Variants in PRKN observed in about 807,000 individuals in gnomAD.
PRKN encodes the protein E3 ubiquitin-protein ligase parkin.
A neutral mutation model predicts 59.5 loss-of-function variants in PRKN; 56 were observed. That is an observed-to-expected ratio of 0.94 (90% CI 0.76 to 1.18). PRKN has a LOEUF of 1.18. Among genes scored for constraint, PRKN ranks in the 50% most tolerant of loss-of-function variants. The probability of loss-of-function intolerance (pLI) is 0.00; values close to 1 mark genes in which losing one functional copy is unlikely to be tolerated. For missense variants in PRKN, 657 were observed against 596.4 expected, an observed-to-expected ratio of 1.10 and a Z score of -1.06; for synonymous variants, 250 against 222.1, an observed-to-expected ratio of 1.13 and a Z score of -1.12.
At chr6:162,341,806 G>A (rs905361936) in intron 2 of PRKN, among the ~76,000 whole-genome samples, 1 of 151,782 alleles carries the variant, frequency 6.6e-6, no homozygotes, top group African/African-American at 2.4e-5. Context: ...ACCTAATGTA[G>A]ATGATGGATT....
intron 7 of PRKN, among the ~76,000 whole-genome samples, chr6:161,603,497 T>A (rs1782175997): frequency 6.6e-6 from 1 of 152,246 alleles, no homozygotes. Context: ...GCTAGATTCA[T>A]AAATCACTGT....
At chr6:162,176,152 T>C (rs1006281385) in intron 4 of PRKN, among the ~76,000 whole-genome samples, 3 of 152,116 alleles carry the variant, frequency 2.0e-5, no homozygotes, top group Non-Finnish European at 4.4e-5. Flanking sequence ...CCTATAAAAG[T>C]ATCAGCAGAG....
chr6:161,409,271 T>G lies in PRKN; in HGVS notation c.1084-22394A>C, dbSNP rs1787416966. Among the ~76,000 whole-genome samples the G allele has an allele frequency of 6.6e-6, 1 of 152,198 alleles. No individual in the cohort carries two copies. The highest frequency in any genetic ancestry group is 2.1e-4 in the South Asian group (1 of 4,830). ...GAGAACACATTTTTAAACTCTGTGGTAATGGTTGAGAATACTCTTCATTAC... is the reference window on the plus strand; with the variant it reads ...GAGAACACATTTTTAAACTCTGTGGGAATGGTTGAGAATACTCTTCATTAC... On this transcript the variant is annotated intron_variant, in intron 9 of 11. Coordinates refer to ENST00000366898, the MANE Select transcript of PRKN (RefSeq NM_004562.3). This position sits in a 1 kb window ranked among gnomAD's most constrained non-coding sequence, Gnocchi z 4.6.
intron 2 of PRKN, among the ~76,000 whole-genome samples, chr6:162,409,244 A>G (rs752525968): frequency 6.6e-6 from 1 of 151,696 alleles, no homozygotes; most frequent in South Asian, 2.1e-4. Context: ...AACTCATGAC[A>G]GCCTCAAACT....
chr6:162,322,657 G>T (rs1473327849), intron 2 of PRKN, among the ~76,000 whole-genome samples: 2 of 152,052 alleles, frequency 1.3e-5, no homozygotes, highest in African/African-American at 4.8e-5. Context: ...TTTTGACCAA[G>T]TATCAAAGGC....
intron 3 of PRKN, among the ~76,000 whole-genome samples, chr6:162,207,771 A>G (rs1465480707): frequency 1.3e-5 from 2 of 152,146 alleles, no homozygotes. Context: ...TGTGTGTAAC[A>G]CTTCACTCTA....
intron 7 of PRKN, among the ~76,000 whole-genome samples, chr6:161,659,506 A>C (rs1784468480): frequency 6.6e-6 from 1 of 152,136 alleles, no homozygotes; most frequent in Admixed American, 6.5e-5. Flanking sequence ...TTCACTGCTG[A>C]GGATACAGAG....
intron 5 of PRKN, among the ~76,000 whole-genome samples, chr6:162,012,868 G>A (rs1318010604): frequency 3.9e-5 from 6 of 152,132 alleles, no homozygotes; most frequent in Non-Finnish European, 8.8e-5. Context: ...GGAGACACAT[G>A]CTATCGTTTG....
intron 1 of PRKN, among the ~76,000 whole-genome samples, chr6:162,681,867 G>T (rs1393965251): frequency 6.6e-6 from 1 of 152,046 alleles, no homozygotes; most frequent in Non-Finnish European, 1.5e-5. Flanking sequence ...ACCCTGTGGA[G>T]TGTAATTTTG....
intron 1 of PRKN, among the ~76,000 whole-genome samples, chr6:162,469,466 C>G: frequency 6.6e-6 from 1 of 150,840 alleles, no homozygotes; most frequent in South Asian, 2.1e-4. Context: ...GCCCATCAAT[C>G]AATGAGTGGA....
chr6:161,663,256 G>A (rs537205784), intron 7 of PRKN, among the ~76,000 whole-genome samples: 20 of 151,968 alleles, frequency 1.3e-4, no homozygotes, highest in South Asian at 4.2e-4. Context: ...TACATGTGGC[G>A]GTGGCAAGTG....
chr6:162,431,304 A>G (rs573477725), intron 2 of PRKN, among the ~76,000 whole-genome samples: 12 of 152,342 alleles, frequency 7.9e-5, no homozygotes, highest in East Asian at 3.9e-4. Flanking sequence ...CAACAGATAC[A>G]TATCATCAAT....
At chr6:162,310,635 A>T (rs1395150205) in intron 2 of PRKN, among the ~76,000 whole-genome samples, 1 of 151,970 alleles carries the variant, frequency 6.6e-6, no homozygotes, top group East Asian at 1.9e-4. Flanking sequence ...TAGGAGATAT[A>T]CCTAATGTAA....
intron 7 of PRKN, among the ~76,000 whole-genome samples, chr6:161,701,771 T>G (rs1786261281): frequency 6.6e-6 from 1 of 152,186 alleles, no homozygotes; most frequent in African/African-American, 2.4e-5. Flanking sequence ...AAATTAGTAT[T>G]TCAAGAGACA....
intron 1 of PRKN, among the ~76,000 whole-genome samples, chr6:162,559,816 A>G (rs56331301): frequency 0.057 from 8,653 of 151,228 alleles, 301 homozygotes; most frequent in South Asian, 0.16. Context: ...TATTTTGTTG[A>G]TGGAGATAGA....
At chr6:162,336,365 A>G (rs1282120919) in intron 2 of PRKN, among the ~76,000 whole-genome samples, 1 of 152,140 alleles carries the variant, frequency 6.6e-6, no homozygotes, top group Non-Finnish European at 1.5e-5. Flanking sequence ...TCTCTCTGGA[A>G]GCCTCAGGGG....
At chr6:162,653,326 G>GTGTC (rs112387577) in intron 1 of PRKN, among the ~76,000 whole-genome samples, 125,277 of 151,730 alleles carry the variant, frequency 0.83, 51,965 homozygotes, top group East Asian at 0.95. Context: ...GTTTGTGTGT[G>GTGTC]TGTGTGTTTG....
intron 7 of PRKN, among the ~76,000 whole-genome samples, chr6:161,649,847 A>T (rs1449477147): frequency 6.6e-6 from 1 of 152,224 alleles, no homozygotes; most frequent in Non-Finnish European, 1.5e-5. Context: ...TGAGTGTCTC[A>T]ACCAACAGGG....
intron 6 of PRKN, among the ~76,000 whole-genome samples, chr6:161,966,638 G>A (rs1309812329): frequency 6.6e-6 from 1 of 152,156 alleles, no homozygotes; most frequent in African/African-American, 2.4e-5. Flanking sequence ...AGCTTGTTAT[G>A]CTTATATTCA....
Sources: gnomAD v4.1 joint callset for allele counts (sites outside exome capture counted in the v4.1 genomes callset) on GRCh38, gnomAD v4.1.1 for gene constraint, Gnocchi (gnomAD v3.1) non-coding constraint, MANE v1.5 for transcripts, NCBI Gene and HGNC (gene_info 2026-07-23, HGNC 2026-07-21) for gene names.